CMYA5: variants seen among roughly 807,000 people sequenced by gnomAD.
CMYA5 encodes cardiomyopathy-associated protein 5.
CMYA5 carries 246 observed loss-of-function variants against 318.9 expected under a neutral mutation model. The observed-to-expected ratio is 0.77, with a 90% confidence interval of 0.70 to 0.86. CMYA5 has a LOEUF of 0.86. Among genes scored for constraint, CMYA5 ranks in the 40% least tolerant of loss-of-function variants. The pLI is 0.00. For synonymous variants in CMYA5, 1,641 were observed against 1,729.5 expected (o/e 0.95, Z 1.27); for missense variants, 4,589 against 4,678.2 (o/e 0.98, Z 0.56).
At chr5:79,728,662 T>C (rs1827799748) in intron 1 of CMYA5, among the ~76,000 whole-genome samples, 1 of 152,120 alleles carries the variant, frequency 6.6e-6, no homozygotes, top group South Asian at 2.1e-4. Flanking sequence ...GTGGTAAATT[T>C]AACTTTAGCT....
In CMYA5 at chr5:79,745,216, T is replaced by G; in HGVS notation, c.10735-6T>G. ...GAAGTGGGCTTTTTTGCTTGTTTGT[T>G]TTCAGGAAAACTGTAGTAAAAATGA... On this transcript the variant is annotated splice_polypyrimidine_tract_variant and splice_region_variant and intron_variant, in intron 3 of 12. Coordinates refer to ENST00000446378, the MANE Select transcript of CMYA5 (RefSeq NM_153610.5). 1.9e-6 allele frequency: 3 copies of G among 1,546,594 alleles called. No homozygotes were observed. The highest frequency in any genetic ancestry group is 2.6e-6 in the Non-Finnish European group (3 of 1,143,526).
At chr5:79,746,755 A>C (rs1376600913) in intron 4 of CMYA5, among the ~76,000 whole-genome samples, 1 of 152,104 alleles carries the variant, frequency 6.6e-6, no homozygotes, top group Non-Finnish European at 1.5e-5. Flanking sequence ...TTGGTTGATG[A>C]ATAGAGAGAA....
At chr5:79,701,050 A>G (rs899779475) in intron 1 of CMYA5, among the ~76,000 whole-genome samples, 2 of 148,480 alleles carry the variant, frequency 1.3e-5, no homozygotes, top group African/African-American at 5.0e-5. Flanking sequence ...TTCAAGACCA[A>G]CCTGGCCAGC....
At chr5:79,749,863 A>G (rs1207211687) in intron 5 of CMYA5, among the ~76,000 whole-genome samples, 1 of 152,176 alleles carries the variant, frequency 6.6e-6, no homozygotes, top group African/African-American at 2.4e-5. Context: ...TAATTTTGTA[A>G]CCACCTCCTG....
rs577593375 is a variant in CMYA5, at chr5:79,734,827, T to A, written c.6062T>A (p.Leu2021Ter). The change falls in exon 2 of 13, where the codon TTG becomes TAG. Residue 2021 changes from leucine to a stop codon, truncating the protein, a stop_gained. Coordinates refer to ENST00000446378, the MANE Select transcript of CMYA5 (RefSeq NM_153610.5). LOFTEE classifies it high-confidence loss of function. ...HSLMESESLLLEKANTELSWP... is the reference protein window; with the variant it reads ...HSLMESESLL ...TTGATGGAGAGTGAAAGTTTGCTATTGGAGAAAGCAAACACAGAGCTTTCC... is the reference window on the plus strand; with the variant it reads ...TTGATGGAGAGTGAAAGTTTGCTATAGGAGAAAGCAAACACAGAGCTTTCC... 6.2e-7 allele frequency: 1 copy of A among 1,613,724 alleles called. No individual in the cohort carries two copies.
intron 12 of CMYA5, among the ~76,000 whole-genome samples, chr5:79,796,548 G>A (rs924875475): frequency 1.3e-5 from 2 of 152,050 alleles, no homozygotes; most frequent in Admixed American, 6.5e-5. Flanking sequence ...CTATAGGCAC[G>A]TGGCACCACC....
In CMYA5 at chr5:79,774,449, C is replaced by CTGTGTGGAGAGAAGTCAGAAGAAGTG. The variant is rs1561227363; in HGVS notation, c.11555+11243_11555+11268dup. On this transcript the variant is annotated intron_variant, in intron 9 of 12. Coordinates refer to ENST00000446378, the MANE Select transcript of CMYA5 (RefSeq NM_153610.5). ...TGTTTCCTCAGCTGTTCTGTCTCTC[C>CTGTGTGGAGAGAAGTCAGAAGAAGTG]TGTGTGGAGAGAAGTCAGAAGAAGT... The CTGTGTGGAGAGAAGTCAGAAGAAGTG allele has an allele frequency of 3.9e-5, 6 of 152,418 alleles. No homozygotes were observed. The East Asian group carries it at 1.2e-3, about 29-fold the overall frequency. 9.4% of individuals were successfully genotyped at this position (152,418 alleles called of 1,614,324 possible). A position where few individuals can be genotyped will look rare whatever the true frequency, so the allele number is the denominator to read the frequency against.
At position 79,697,978 on chromosome 5, in the gene CMYA5, G is replaced by A. The variant is rs536647014; in HGVS notation, c.149+7922G>A. Among the ~76,000 whole-genome samples, 6 of 152,252 alleles carry A rather than the reference G, an allele frequency of 3.9e-5. No individual in the cohort carries two copies. In the South Asian group the frequency reaches 1.2e-3, roughly 32 times the overall value. ...AGACATTAGGCAATCCAGTGTGATT[G>A]CATTTTCGTAAGGCCAAAGATAGTA... On this transcript the variant is annotated intron_variant, in intron 1 of 12. Transcript: ENST00000446378.
intron 9 of CMYA5, among the ~76,000 whole-genome samples, chr5:79,773,122 A>T (rs1172933359): frequency 1.3e-5 from 2 of 152,016 alleles, no homozygotes; most frequent in Non-Finnish European, 2.9e-5. Context: ...GTTTGATCTC[A>T]CTCCTTTGTT....
At chr5:79,694,099 GGTCAGA>G (rs1827023806) in intron 1 of CMYA5, among the ~76,000 whole-genome samples, 1 of 152,112 alleles carries the variant, frequency 6.6e-6, no homozygotes, top group Non-Finnish European at 1.5e-5. Flanking sequence ...TGGGGCGAGT[GGTCAGA>G]GTCAAAGCTA....
At chr5:79,797,966 C>G (rs916943858) in intron 12 of CMYA5, among the ~76,000 whole-genome samples, 1 of 152,106 alleles carries the variant, frequency 6.6e-6, no homozygotes, top group Non-Finnish European at 1.5e-5. Context: ...CTGTAAGAGC[C>G]CAGCTCACAC....
Position 79,732,741 on chromosome 5 carries a change from C to A in CMYA5, c.3976C>A (p.Gln1326Lys), listed in dbSNP as rs1827947158. The A allele has an allele frequency of 1.2e-6, 2 of 1,613,554 alleles. No homozygotes were observed. The highest frequency in any genetic ancestry group is 1.7e-6 in the Non-Finnish European group (2 of 1,179,782). Residue 1326 changes from glutamine to lysine, a missense_variant, in exon 2 of 13, where the codon CAA (glutamine) becomes AAA (lysine). This residue lies in a region of CMYA5 where 2,132 missense variants were observed against 2,131.3 expected (regional missense o/e 1.00). Coordinates refer to ENST00000446378, the MANE Select transcript of CMYA5 (RefSeq NM_153610.5). ...TTCAGCTTCCTCAGGAGTGGAAAAGCAAGTTGAACATGGTCCACCTGCACT... is the reference window on the plus strand; with the variant it reads ...TTCAGCTTCCTCAGGAGTGGAAAAGAAAGTTGAACATGGTCCACCTGCACT... ...LHSASSGVEK[Q>K]VEHGPPALAF...
intron 11 of CMYA5, 47 bp downstream of exon 11, chr5:79,791,116 G>C (rs1738985589): frequency 7.3e-7 from 1 of 1,360,784 alleles, no homozygotes; most frequent in African/African-American, 1.4e-5. Context: ...CCAGCAGTAG[G>C]GTCTTAGGGT....
intron 1 of CMYA5, among the ~76,000 whole-genome samples, chr5:79,692,380 TGATATATATAATTATCTATA>T (rs138080463): frequency 0.22 from 33,666 of 152,168 alleles, 4,101 homozygotes; most frequent in Admixed American, 0.33. Flanking sequence ...CTTTCAGGTA[TGATATATATAATTATCTATA>T]GTTACCTTTC....
At chr5:79,793,698 C>A in intron 12 of CMYA5, 88 bp downstream of exon 12, 1 of 1,217,660 alleles carries the variant, frequency 8.2e-7, no homozygotes, top group Admixed American at 2.4e-5. Flanking sequence ...ATAAATAGCA[C>A]CCACTTCCAT....
At chr5:79,759,078 G>A (rs1316811756) in intron 7 of CMYA5, among the ~76,000 whole-genome samples, 176 bp downstream of exon 7, 4 of 152,096 alleles carry the variant, frequency 2.6e-5, no homozygotes, top group Non-Finnish European at 5.9e-5. Context: ...AGCAAAATTT[G>A]GGAATCAAGA....
intron 9 of CMYA5, among the ~76,000 whole-genome samples, chr5:79,785,988 C>G (rs758984185): frequency 2.0e-5 from 3 of 152,198 alleles, no homozygotes; most frequent in Non-Finnish European, 2.9e-5. Flanking sequence ...GGGGCTTCCA[C>G]TCATTTTCCT....
intron 1 of CMYA5, among the ~76,000 whole-genome samples, chr5:79,701,290 A>C (rs757607906): frequency 6.6e-6 from 1 of 152,106 alleles, no homozygotes; most frequent in Non-Finnish European, 1.5e-5. Flanking sequence ...CTGGTGTTTG[A>C]TAGATCAGTA....
In CMYA5 at chr5:79,730,928, A is replaced by C; in HGVS notation, c.2163A>C (p.Leu721Phe). The C allele has an allele frequency of 2.5e-6, 4 of 1,614,006 alleles. No homozygotes were observed. Among genetic ancestry groups the C allele is most frequent in the Non-Finnish European group, 3.4e-6 (4 of 1,179,886 alleles). Residue 721 changes from leucine to phenylalanine, a missense_variant, in exon 2 of 13, where the codon TTA becomes TTC. Leu to Phe is a conservative substitution (Grantham distance 22). Coordinates refer to ENST00000446378, the MANE Select transcript of CMYA5 (RefSeq NM_153610.5). Reference protein sequence around the residue: ...LKKTIDRKSPLILKGVSEYMI... With the variant: ...LKKTIDRKSPFILKGVSEYMI... The stretch of plus-strand genomic sequence containing the variant: ...AAACAATTGACCGTAAGTCCCCGTT[A>C]ATATTGAAAGGTGTTTCTGAGTACA...
Sources: gnomAD v4.1 joint callset for allele counts (sites outside exome capture counted in the v4.1 genomes callset) on GRCh38, gnomAD v4.1.1 for gene constraint, gnomAD v4.1.1 regional missense constraint, MANE v1.5 for transcripts, NCBI Gene and HGNC (gene_info 2026-07-23, HGNC 2026-07-21) for gene names.